SPOCK3: variants seen among roughly 807,000 people sequenced by gnomAD.
The protein encoded by SPOCK3 is SPARC (osteonectin), cwcv and kazal like domains proteoglycan 3.
A neutral mutation model predicts 56.6 loss-of-function variants in SPOCK3; 30 were observed. The ratio of observed to expected loss-of-function variants is 0.53; its 90% CI spans 0.40 to 0.72. The LOEUF is 0.72. Ranked by LOEUF, SPOCK3 falls within the 30% of genes least tolerant of loss-of-function variation. SPOCK3 has a pLI of 0.00. For synonymous variants in SPOCK3, 196 were observed against 183.3 expected, an observed-to-expected ratio of 1.07 and a Z score of -0.56; for missense variants, 527 against 530.0, an observed-to-expected ratio of 0.99 and a Z score of 0.06.
At chr4:166,740,672 C>G (rs1016158384) in intron 9 of SPOCK3, among the ~76,000 whole-genome samples, 1 of 151,998 alleles carries the variant, frequency 6.6e-6, no homozygotes. Flanking sequence ...ATTACAGGCA[C>G]ACACCACCAC....
chr4:166,979,297 A>G (rs1746324050), intron 4 of SPOCK3, among the ~76,000 whole-genome samples: 1 of 152,050 alleles, frequency 6.6e-6, no homozygotes, highest in Non-Finnish European at 1.5e-5. Flanking sequence ...TTTCTCCTGC[A>G]CCATAAATCT....
intron 2 of SPOCK3, among the ~76,000 whole-genome samples, chr4:167,118,469 G>A (rs1173277000): frequency 6.6e-6 from 1 of 152,034 alleles, no homozygotes; most frequent in East Asian, 1.9e-4. Flanking sequence ...CTTTTTAAAA[G>A]GCAGTGACGT....
chr4:166,952,908 C>T (rs969206234), intron 4 of SPOCK3, among the ~76,000 whole-genome samples: 1 of 151,248 alleles, frequency 6.6e-6, no homozygotes, highest in Non-Finnish European at 1.5e-5. Flanking sequence ...TGGATCCCTT[C>T]CTTACACCTT....
intron 2 of SPOCK3, among the ~76,000 whole-genome samples, chr4:167,117,972 G>T (rs557795857): frequency 3.3e-5 from 5 of 152,096 alleles, no homozygotes; most frequent in Non-Finnish European, 7.4e-5. Flanking sequence ...AGAGGAAATG[G>T]CACCTTCCTC....
rs185077755 is a variant in SPOCK3 at position 167,232,632 on chromosome 4, G to A, written c.189+1353C>T. 6.0e-4 allele frequency among the ~76,000 whole-genome samples: 91 copies of A among 152,228 alleles called. 1 individual carries two copies. The highest frequency in any genetic ancestry group is 2.2e-3 in the African/African-American group (90 of 41,526). On this transcript the variant is annotated intron_variant, in intron 2 of 10. Transcript: ENST00000357545. ...TCCTTTTTGCTTGTACTCAATATTG[G>A]TGTAAACTTAAAACAAATATGCAAC...
At chr4:166,897,743 C>A (rs1252574673) in intron 5 of SPOCK3, among the ~76,000 whole-genome samples, 4 of 152,106 alleles carry the variant, frequency 2.6e-5, no homozygotes, top group Non-Finnish European at 5.9e-5. Context: ...TGGTTTTTGG[C>A]AACGATGATG....
chr4:167,099,083 T>C (rs1759413016), intron 2 of SPOCK3, among the ~76,000 whole-genome samples: 1 of 152,026 alleles, frequency 6.6e-6, no homozygotes, highest in African/African-American at 2.4e-5. Context: ...TGTAGAATCA[T>C]TATGTAGTAA....
At chr4:167,152,754 T>C (rs1045693849) in intron 2 of SPOCK3, among the ~76,000 whole-genome samples, 4 of 152,178 alleles carry the variant, frequency 2.6e-5, no homozygotes, top group Non-Finnish European at 5.9e-5. Flanking sequence ...AAATGAAGCA[T>C]CACATGCTTC....
At chr4:167,100,403 C>G (rs752159208) in intron 2 of SPOCK3, among the ~76,000 whole-genome samples, 18 of 151,588 alleles carry the variant, frequency 1.2e-4, no homozygotes, top group Non-Finnish European at 2.5e-4. Context: ...GTGTCTGTCT[C>G]TGTCTCTCTC....
At chr4:167,027,453 C>T (rs977645473) in intron 3 of SPOCK3, among the ~76,000 whole-genome samples, 13 of 151,808 alleles carry the variant, frequency 8.6e-5, no homozygotes, top group African/African-American at 2.9e-4. Context: ...TTTCTTTGTA[C>T]TATTTAATAG....
chr4:166,841,874 G>C (rs1159845035), intron 6 of SPOCK3, among the ~76,000 whole-genome samples: 1 of 152,198 alleles, frequency 6.6e-6, no homozygotes, highest in Non-Finnish European at 1.5e-5. Flanking sequence ...CTTCAAGAAT[G>C]AAGCCGTGGA....
At chr4:166,790,651 G>T (rs1446481791) in intron 7 of SPOCK3, among the ~76,000 whole-genome samples, 5 of 152,140 alleles carry the variant, frequency 3.3e-5, no homozygotes, top group African/African-American at 9.7e-5. Flanking sequence ...GACAGAAAAA[G>T]CTAGAAAGGA....
At chr4:166,981,518 T>C (rs909205655) in intron 4 of SPOCK3, among the ~76,000 whole-genome samples, 4 of 152,150 alleles carry the variant, frequency 2.6e-5, no homozygotes, top group African/African-American at 4.8e-5. Context: ...GTAGTCCTGA[T>C]GTTTGTGTGA....
chr4:166,913,119 A>G (rs1455570238), intron 4 of SPOCK3, among the ~76,000 whole-genome samples: 1 of 152,158 alleles, frequency 6.6e-6, no homozygotes, highest in East Asian at 1.9e-4. Flanking sequence ...ATTAGGAACA[A>G]TATAAAAAAG....
intron 2 of SPOCK3, among the ~76,000 whole-genome samples, chr4:167,223,654 C>T (rs72701417): frequency 0.031 from 4,776 of 151,994 alleles, 87 homozygotes; most frequent in Admixed American, 0.069. Flanking sequence ...CTAATTAATA[C>T]ATTTTTAAAA....
intron 2 of SPOCK3, among the ~76,000 whole-genome samples, chr4:167,067,044 T>C (rs776690051): frequency 6.6e-6 from 1 of 151,864 alleles, no homozygotes; most frequent in Non-Finnish European, 1.5e-5. Flanking sequence ...AGGTCAGAGA[T>C]TGCTTAAGCA....
chr4:166,744,413 C>G (rs1579092691), intron 8 of SPOCK3, among the ~76,000 whole-genome samples: 2 of 151,804 alleles, frequency 1.3e-5, no homozygotes, highest in South Asian at 4.2e-4. Context: ...GAAGGAAAAG[C>G]AACAATCAGA....
intron 2 of SPOCK3, among the ~76,000 whole-genome samples, chr4:167,204,071 G>A (rs534134746): frequency 1.3e-5 from 2 of 151,904 alleles, no homozygotes; most frequent in Admixed American, 6.6e-5. Context: ...CTATGTGAAC[G>A]CATATCACTA....
chr4:166,922,119 A>T (rs1561012382), intron 4 of SPOCK3, among the ~76,000 whole-genome samples: 1 of 152,142 alleles, frequency 6.6e-6, no homozygotes, highest in Non-Finnish European at 1.5e-5. Context: ...CCTCCTTATG[A>T]GAATCTAGCA....
Sources: allele counts gnomAD v4.1 joint callset (sites outside exome capture counted in the v4.1 genomes callset), GRCh38; gene constraint gnomAD v4.1.1; transcripts MANE v1.5; gene names NCBI Gene and HGNC (gene_info 2026-07-23, HGNC 2026-07-21).